SCN9A: variants seen among roughly 807,000 people sequenced by gnomAD.
SCN9A encodes sodium voltage-gated channel alpha subunit 9.
In SCN9A, 131 loss-of-function variants were observed where a neutral mutation model predicts 187.0. The ratio of observed to expected loss-of-function variants is 0.70; its 90% CI spans 0.61 to 0.81. SCN9A has a LOEUF of 0.81. SCN9A is among the 30% of genes least tolerant of loss of function. The pLI is 0.00. For missense variants in SCN9A, 2,252 were observed against 2,396.6 expected (o/e 0.94, Z 1.26); for synonymous variants, 809 against 808.6 (o/e 1.00, Z -0.01).
intron 11 of SCN9A, among the ~76,000 whole-genome samples, chr2:166,285,578 T>G (rs61357875): frequency 0.14 from 20,885 of 152,184 alleles, 1,631 homozygotes; most frequent in East Asian, 0.36. Flanking sequence ...TATCATCACC[T>G]AGGTTCAAGT....
chr2:166,314,558 C>T lies in SCN9A; in HGVS notation c.-50-2752G>A, dbSNP rs1699061506. ...ACTAGCCAAAAAGTAAACACAACCT[C>T]ATTACTCACCAATGAATAAATGGAT... On this transcript the variant is annotated intron_variant, in intron 1 of 26. Coordinates refer to ENST00000642356, the MANE Select transcript of SCN9A (RefSeq NM_001365536.1). Among the ~76,000 whole-genome samples, 4 of 152,172 alleles carry T rather than the reference C, an allele frequency of 2.6e-5. No homozygotes were observed. In the South Asian group the frequency reaches 8.3e-4, roughly 32 times the overall value.
intron 1 of SCN9A, among the ~76,000 whole-genome samples, chr2:166,367,763 A>G (rs1018544833): frequency 6.6e-6 from 1 of 152,200 alleles, no homozygotes; most frequent in East Asian, 1.9e-4. Flanking sequence ...AACCTATAAA[A>G]CAACTTCAAA....
chr2:166,338,342 AT>A (rs796879015), intron 1 of SCN9A, among the ~76,000 whole-genome samples: 132 of 151,102 alleles, frequency 8.7e-4, no homozygotes, highest in African/African-American at 2.5e-3. Context: ...TTTAGGGCTT[AT>A]TTTTTTTTCT....
At chr2:166,336,587 T>C (rs1159000542) in intron 1 of SCN9A, among the ~76,000 whole-genome samples, 5 of 152,122 alleles carry the variant, frequency 3.3e-5, no homozygotes, top group Non-Finnish European at 7.4e-5. Flanking sequence ...TGGAGGCTTT[T>C]TCCATTTAAC....
intron 1 of SCN9A, among the ~76,000 whole-genome samples, chr2:166,365,452 C>G (rs539117115): frequency 2.0e-5 from 3 of 152,238 alleles, no homozygotes; most frequent in African/African-American, 7.2e-5. Context: ...AAAGTTGTAC[C>G]CATGCTGGTA....
chr2:166,325,162 A>G (rs1380884922), intron 1 of SCN9A, among the ~76,000 whole-genome samples: 1 of 152,186 alleles, frequency 6.6e-6, no homozygotes, highest in African/African-American at 2.4e-5. Context: ...TTATTCTAAT[A>G]TTAAATAAAG....
chr2:166,217,256 T>C (rs1694371609), intron 24 of SCN9A, among the ~76,000 whole-genome samples: 1 of 151,966 alleles, frequency 6.6e-6, no homozygotes, highest in Admixed American at 6.6e-5. Context: ...ATAAAGCTAC[T>C]AGAAGAAAAC....
intron 17 of SCN9A, among the ~76,000 whole-genome samples, chr2:166,270,441 C>T (rs1464314885): frequency 6.6e-6 from 1 of 151,534 alleles, no homozygotes; most frequent in African/African-American, 2.4e-5. Flanking sequence ...ACTACTCGCC[C>T]ATAGATATCG....
intron 17 of SCN9A, among the ~76,000 whole-genome samples, chr2:166,252,938 C>T (rs955330485): frequency 6.6e-6 from 1 of 151,940 alleles, no homozygotes; most frequent in Non-Finnish European, 1.5e-5. Context: ...TTGAAAGCTA[C>T]TAGTTACTAC....
intron 7 of SCN9A, 35 bp from the exon 8 acceptor site, chr2:166,294,697 C>G: frequency 7.1e-7 from 1 of 1,416,884 alleles, no homozygotes; most frequent in Non-Finnish European, 9.8e-7. Context: ...TATAACATCA[C>G]AGACTTTAAT....
At chr2:166,352,531 C>A (rs1039034193) in intron 1 of SCN9A, among the ~76,000 whole-genome samples, 1 of 152,180 alleles carries the variant, frequency 6.6e-6, no homozygotes, top group Non-Finnish European at 1.5e-5. Flanking sequence ...TTTAGGAAAG[C>A]AAGCTTCAAT....
chr2:166,202,145 T>C (rs1693567394), intron 26 of SCN9A, among the ~76,000 whole-genome samples: 1 of 151,746 alleles, frequency 6.6e-6, no homozygotes, highest in African/African-American at 2.4e-5. Flanking sequence ...CTTTTATTTA[T>C]GATGATTTTT....
rs201496520 is a variant in SCN9A, at chr2:166,288,648, G to A, written c.1108-5C>T. The A allele has an allele frequency of 3.3e-6, 5 of 1,529,900 alleles. No individual in the cohort carries two copies. The highest frequency in any genetic ancestry group is 4.4e-6 in the Non-Finnish European group (5 of 1,135,708). The allele number at this position is 1,529,900 out of a possible 1,614,324, so 94.8% of individuals were successfully genotyped here. A position where few individuals can be genotyped will look rare whatever the true frequency, so the allele number is the denominator to read the frequency against. On this transcript the variant is annotated splice_region_variant and splice_polypyrimidine_tract_variant and intron_variant, in intron 9 of 26. Transcript: ENST00000642356. Reference sequence around the variant, plus strand: ...TTTGCCAGCAGCACGCAGCGTCTAGGGAAAAATGGAAATTGTCATTTGAAC... The same window carrying A: ...TTTGCCAGCAGCACGCAGCGTCTAGAGAAAAATGGAAATTGTCATTTGAAC...
intron 21 of SCN9A, among the ~76,000 whole-genome samples, chr2:166,231,479 A>G (rs1695080456): frequency 6.6e-6 from 1 of 151,762 alleles, no homozygotes; most frequent in East Asian, 1.9e-4. Flanking sequence ...GGCTGGTTAA[A>G]ACCCAAGTTT....
At chr2:166,275,755 T>C (rs1697208707) in intron 16 of SCN9A, among the ~76,000 whole-genome samples, 2 of 152,168 alleles carry the variant, frequency 1.3e-5, no homozygotes, top group African/African-American at 4.8e-5. Context: ...TCAACAATTA[T>C]AGAATGGTAA....
At chr2:166,245,216 G>A (rs1338793510) in intron 18 of SCN9A, among the ~76,000 whole-genome samples, 2 of 151,932 alleles carry the variant, frequency 1.3e-5, no homozygotes, top group African/African-American at 4.8e-5. Context: ...AGCATTCTTT[G>A]AGAAACAATT....
At chr2:166,209,974 T>TATAA (rs1694007205) in intron 24 of SCN9A, among the ~76,000 whole-genome samples, 1 of 152,168 alleles carries the variant, frequency 6.6e-6, no homozygotes, top group Admixed American at 6.5e-5. Flanking sequence ...CCCAAAGGAT[T>TATAA]ATAAATCATG....
At chr2:166,318,955 G>A (rs973766002) in intron 1 of SCN9A, among the ~76,000 whole-genome samples, 3 of 152,080 alleles carry the variant, frequency 2.0e-5, no homozygotes, top group Admixed American at 6.6e-5. Flanking sequence ...GCAGCAAATA[G>A]TAGATAGGAA....
chr2:166,206,309 A>G lies in SCN9A; in HGVS notation c.4399-1845T>C, dbSNP rs562563889. Among the ~76,000 whole-genome samples the G allele has an allele frequency of 9.2e-5, 14 of 152,332 alleles. No homozygotes were observed. The South Asian group carries it at 1.0e-3, about 11-fold the overall frequency. On this transcript the variant is annotated intron_variant, in intron 24 of 26. Transcript: ENST00000642356. ...ACTGGATAAAGAAAATGTGGCATATATACACCATGGAATACTATGCAGCCA... is the reference window on the plus strand; with the variant it reads ...ACTGGATAAAGAAAATGTGGCATATGTACACCATGGAATACTATGCAGCCA...
Sources: allele counts gnomAD v4.1 joint callset (sites outside exome capture counted in the v4.1 genomes callset), GRCh38; gene constraint gnomAD v4.1.1; transcripts MANE v1.5; gene names NCBI Gene and HGNC (gene_info 2026-07-23, HGNC 2026-07-21).